The following MAGI2 variants were observed in gnomAD, a reference collection of about 807,000 sequenced individuals.
MAGI2 encodes the protein membrane-associated guanylate kinase, WW and PDZ domain-containing protein 2.
Under a neutral mutation model 133.3 loss-of-function variants are expected in MAGI2, and 35 were observed. The observed-to-expected ratio is 0.26, with a 90% CI of 0.20 to 0.35. The LOEUF is 0.35. MAGI2 is among the 10% of genes least tolerant of loss of function. MAGI2 has a pLI of 1.00. For missense variants in MAGI2, 1,636 were observed against 1,863.4 expected (o/e 0.88, Z 2.25); for synonymous variants, 729 against 710.6 (o/e 1.03, Z -0.41).
intron 2 of MAGI2, among the ~76,000 whole-genome samples, chr7:78,874,346 T>C (rs1359360073): frequency 6.6e-6 from 1 of 152,154 alleles, no homozygotes. Context: ...CCCAGCAGTA[T>C]ACACAAGTAC....
intron 2 of MAGI2, among the ~76,000 whole-genome samples, chr7:78,799,660 A>G (rs376264264): frequency 6.6e-6 from 1 of 152,104 alleles, no homozygotes; most frequent in Non-Finnish European, 1.5e-5. Flanking sequence ...TCAAGGCACC[A>G]ATATTTGCTT....
chr7:78,953,692 T>C (rs961378467), intron 2 of MAGI2, among the ~76,000 whole-genome samples: 1 of 152,138 alleles, frequency 6.6e-6, no homozygotes, highest in Non-Finnish European at 1.5e-5. Context: ...TGGTGTAAGA[T>C]ATCAATTCTG....
chr7:78,872,175 T>TA (rs1250433758), intron 2 of MAGI2, among the ~76,000 whole-genome samples: 1 of 145,366 alleles, frequency 6.9e-6, no homozygotes, highest in African/African-American at 2.5e-5. Flanking sequence ...TGCTAGTTGG[T>TA]AAAAAACAGA....
chr7:78,236,485 A>T (rs1381203672), intron 10 of MAGI2, among the ~76,000 whole-genome samples: 1 of 152,190 alleles, frequency 6.6e-6, no homozygotes, highest in East Asian at 1.9e-4. Context: ...CGAGGAAAAA[A>T]CTGGTATGAG....
chr7:78,935,687 C>A (rs776661490), intron 2 of MAGI2, among the ~76,000 whole-genome samples: 1 of 151,904 alleles, frequency 6.6e-6, no homozygotes, highest in Non-Finnish European at 1.5e-5. Context: ...TTCATGGGAT[C>A]GTTATCTCTT....
At chr7:78,280,721 C>CA (rs1275747541) in intron 9 of MAGI2, among the ~76,000 whole-genome samples, 2 of 152,014 alleles carry the variant, frequency 1.3e-5, no homozygotes, top group Admixed American at 1.3e-4. Flanking sequence ...CCTTGACACT[C>CA]AGACTGTGGA....
intron 1 of MAGI2, among the ~76,000 whole-genome samples, chr7:79,436,305 T>A (rs1848143491): frequency 6.7e-6 from 1 of 149,676 alleles, no homozygotes; most frequent in Non-Finnish European, 1.5e-5. Flanking sequence ...AATTTATGAC[T>A]AAGAAGTCCT....
intron 2 of MAGI2, among the ~76,000 whole-genome samples, chr7:78,760,173 G>A (rs1456940473): frequency 6.6e-6 from 1 of 152,016 alleles, no homozygotes; most frequent in Non-Finnish European, 1.5e-5. Flanking sequence ...GCTTTCAACA[G>A]TTTCTCTGAG....
intron 1 of MAGI2, among the ~76,000 whole-genome samples, chr7:79,267,040 C>T (rs936275116): frequency 2.0e-5 from 3 of 152,058 alleles, no homozygotes; most frequent in Non-Finnish European, 2.9e-5. Flanking sequence ...TTCCTGAGGA[C>T]CCTGGAGAGA....
intron 9 of MAGI2, among the ~76,000 whole-genome samples, chr7:78,273,510 G>T (rs56048304): frequency 0.2 from 29,909 of 152,122 alleles, 3,346 homozygotes; most frequent in South Asian, 0.31. Flanking sequence ...AGTTCTCCTG[G>T]ATGATATCCT....
At chr7:78,158,237 G>C (rs757474450) in intron 16 of MAGI2, 1 of 151,782 alleles carries the variant, frequency 6.6e-6, no homozygotes, top group Non-Finnish European at 1.5e-5. Flanking sequence ...CTTTATTTTC[G>C]TGTTTCCATA....
At chr7:78,871,785 T>C (rs1795046975) in intron 2 of MAGI2, among the ~76,000 whole-genome samples, 1 of 152,070 alleles carries the variant, frequency 6.6e-6, no homozygotes, top group South Asian at 2.1e-4. Flanking sequence ...CAATTTTAAA[T>C]GAACTCTTTA....
intron 1 of MAGI2, among the ~76,000 whole-genome samples, chr7:79,072,376 C>A (rs984120904): frequency 6.6e-6 from 1 of 152,160 alleles, no homozygotes; most frequent in African/African-American, 2.4e-5. Flanking sequence ...TTAGTACCTT[C>A]TTTGGTAAAT....
At chr7:79,164,928 G>T (rs1824771165) in intron 1 of MAGI2, among the ~76,000 whole-genome samples, 1 of 151,984 alleles carries the variant, frequency 6.6e-6, no homozygotes. Context: ...ATTTGACTGT[G>T]TTCCTCTAAA....
At chr7:78,361,183 C>G (rs1792748953) in intron 7 of MAGI2, among the ~76,000 whole-genome samples, 1 of 152,080 alleles carries the variant, frequency 6.6e-6, no homozygotes, top group Admixed American at 6.5e-5. Context: ...ATCACGAGGT[C>G]AGGAGTTCAA....
At chr7:79,380,266 T>A (rs1843687055) in intron 1 of MAGI2, among the ~76,000 whole-genome samples, 1 of 151,874 alleles carries the variant, frequency 6.6e-6, no homozygotes, top group African/African-American at 2.4e-5. Context: ...AGGGCTAATA[T>A]CCAGAATCTT....
chr7:78,495,038 G>A (rs1039266210), intron 5 of MAGI2, among the ~76,000 whole-genome samples: 3 of 152,182 alleles, frequency 2.0e-5, no homozygotes, highest in Non-Finnish European at 4.4e-5. Flanking sequence ...GTCTGTGGAT[G>A]ACAAGGTTTC....
intron 2 of MAGI2, among the ~76,000 whole-genome samples, chr7:78,728,545 T>TATATCTGAAAAAATGATTCATCTTCC (rs1483845832): frequency 2.7e-4 from 1 of 3,680 alleles, no homozygotes. Context: ...CTGATCTTTT[T>TATATCTGAAAAAATGATTCATCTTCC]TTTTTTTTTT....
chr7:79,098,616 A>G (rs557304147), intron 1 of MAGI2, among the ~76,000 whole-genome samples: 1 of 152,334 alleles, frequency 6.6e-6, no homozygotes, highest in African/African-American at 2.4e-5. Flanking sequence ...TAGGACTGCA[A>G]TACTAATCTT....
Sources: gnomAD v4.1 joint callset for allele counts (sites outside exome capture counted in the v4.1 genomes callset) on GRCh38, gnomAD v4.1.1 for gene constraint, MANE v1.5 for transcripts, NCBI Gene and HGNC (gene_info 2026-07-23, HGNC 2026-07-21) for gene names.